The following SBF2 variants were observed in gnomAD, a reference collection of about 807,000 sequenced individuals.
SBF2 encodes myotubularin-related protein 13.
SBF2 carries 112 observed loss-of-function variants against 225.2 expected under a neutral mutation model. That is an observed-to-expected ratio of 0.50 (90% confidence interval 0.43 to 0.58). SBF2 has a LOEUF of 0.58. SBF2 is among the 20% of genes least tolerant of loss of function. The probability of loss-of-function intolerance (pLI) is 0.00; values close to 1 mark genes in which losing one functional copy is unlikely to be tolerated. For synonymous variants in SBF2, 763 were observed against 773.3 expected, an observed-to-expected ratio of 0.99 and a Z score of 0.22; for missense variants, 1,996 against 2,206.2, an observed-to-expected ratio of 0.90 and a Z score of 1.91.
chr11:9,818,261 T>C (rs1394599824), intron 28 of SBF2, among the ~76,000 whole-genome samples: 2 of 152,172 alleles, frequency 1.3e-5, no homozygotes, highest in South Asian at 2.1e-4. Context: ...AGATACCTTC[T>C]AAGAGAAAGG....
chr11:9,786,982 G>C (rs541312082), intron 36 of SBF2, among the ~76,000 whole-genome samples: 2 of 152,224 alleles, frequency 1.3e-5, no homozygotes, highest in East Asian at 3.9e-4. Context: ...TGCAACCTCC[G>C]CCTCCTGAGT....
In SBF2 at chr11:9,974,960, C is replaced by CAAAAAAAAAAAAAAAAAA. The variant is rs1166081188; in HGVS notation, c.1396-6433_1396-6416dup. Among the ~76,000 whole-genome samples the CAAAAAAAAAAAAAAAAAA allele has an allele frequency of 6.5e-3, 152 of 23,254 alleles. 39 individuals are homozygous for CAAAAAAAAAAAAAAAAAA. The highest frequency in any genetic ancestry group is 0.01 in the Non-Finnish European group (114 of 11,156). 15.3% of individuals were successfully genotyped at this position (23,254 alleles called of 152,430 possible). A position where few individuals can be genotyped will look rare whatever the true frequency, so the allele number is the denominator to read the frequency against. On this transcript the variant is annotated intron_variant, in intron 13 of 39. Coordinates refer to ENST00000256190, the MANE Select transcript of SBF2 (RefSeq NM_030962.4). The stretch of plus-strand genomic sequence containing the variant: ...GGGCAACAACAGCGAAACTTTGACT[C>CAAAAAAAAAAAAAAAAAA]AAAAAAAAAAAAAAAAAAAAAAAAA...
intron 16 of SBF2, among the ~76,000 whole-genome samples, chr11:9,919,401 T>C (rs1863408970): frequency 6.6e-6 from 1 of 152,092 alleles, no homozygotes; most frequent in South Asian, 2.1e-4. Context: ...AAGGGGTTTA[T>C]TCGGCTGGGG....
chr11:9,926,429 A>C (rs978025561), intron 16 of SBF2, among the ~76,000 whole-genome samples: 1 of 152,106 alleles, frequency 6.6e-6, no homozygotes, highest in East Asian at 1.9e-4. Context: ...TCATAATGCT[A>C]TACCAATCAA....
At chr11:9,826,620 A>G (rs2133926928) in intron 28 of SBF2, among the ~76,000 whole-genome samples, 1 of 152,124 alleles carries the variant, frequency 6.6e-6, no homozygotes, top group South Asian at 2.1e-4. Context: ...AGAGTTGCTC[A>G]CAAATGTAAG....
At chr11:9,806,223 G>A (rs891929350) in intron 32 of SBF2, among the ~76,000 whole-genome samples, 5 of 152,234 alleles carry the variant, frequency 3.3e-5, no homozygotes, top group Admixed American at 3.3e-4. Flanking sequence ...GTGGGAGCGT[G>A]AGGGTCAGCA....
At chr11:10,142,807 T>C (rs1479518576) in intron 2 of SBF2, among the ~76,000 whole-genome samples, 3 of 152,222 alleles carry the variant, frequency 2.0e-5, no homozygotes, top group Non-Finnish European at 2.9e-5. Flanking sequence ...TTTTAACCAA[T>C]ACAACTATTT....
chr11:10,295,732 T>C, upstream of SBF2, among the ~76,000 whole-genome samples: 1 of 152,168 alleles, frequency 6.6e-6, no homozygotes. Flanking sequence ...AACAGCCCTA[T>C]TGTTAGAAAG....
chr11:10,164,571 A>G (rs1287951915), intron 2 of SBF2, among the ~76,000 whole-genome samples: 1 of 152,192 alleles, frequency 6.6e-6, no homozygotes, highest in Non-Finnish European at 1.5e-5. Context: ...GGGCGCTCTT[A>G]GTTCAGTTAC....
intron 2 of SBF2, among the ~76,000 whole-genome samples, chr11:10,122,421 G>T (rs1272705990): frequency 6.6e-6 from 1 of 152,132 alleles, no homozygotes; most frequent in Non-Finnish European, 1.5e-5. Flanking sequence ...ATATATTTAT[G>T]TATTTTAGAG....
chr11:10,274,887 C>G (rs995937688), intron 1 of SBF2, among the ~76,000 whole-genome samples: 4 of 151,858 alleles, frequency 2.6e-5, no homozygotes, highest in Non-Finnish European at 5.9e-5. Context: ...AAATTTTTAA[C>G]AAGTATGTAT....
intron 13 of SBF2, among the ~76,000 whole-genome samples, chr11:9,974,529 C>A (rs1452318291): frequency 2.0e-5 from 3 of 151,454 alleles, no homozygotes; most frequent in Admixed American, 6.6e-5. Flanking sequence ...AGTACGAAGG[C>A]AACATACAGT....
chr11:9,822,794 G>T (rs11827970), intron 28 of SBF2, among the ~76,000 whole-genome samples: 2,624 of 152,234 alleles, frequency 0.017, 54 homozygotes, highest in African/African-American at 0.048. Context: ...GGGCCTTATT[G>T]ATCACTGTGA....
chr11:10,060,712 CA>C (rs1950409192), intron 2 of SBF2, among the ~76,000 whole-genome samples: 1 of 152,110 alleles, frequency 6.6e-6, no homozygotes, highest in Non-Finnish European at 1.5e-5. Context: ...CCCTGGGATG[CA>C]AAGTTGGTTC....
chr11:10,190,617 A>T (rs773071058), intron 2 of SBF2, among the ~76,000 whole-genome samples: 3 of 152,210 alleles, frequency 2.0e-5, no homozygotes, highest in Non-Finnish European at 2.9e-5. Flanking sequence ...CACCAGTTGT[A>T]AGGCTGAACA....
In SBF2 at chr11:10,294,074, G is replaced by A. The variant is rs1295315226; in HGVS notation, c.-5C>T. The A allele has an allele frequency of 1.5e-6, 2 of 1,367,150 alleles. No homozygotes were observed. The highest frequency in any genetic ancestry group is 1.8e-5 in the South Asian group (1 of 54,450). The allele number at this position is 1,367,150 out of a possible 1,614,324, so 84.7% of individuals were successfully genotyped here. ...GTAGTCAGCCAGCCGGGCCATGGCC[G>A]CCGCCGCCGCGCTCGGGAAGCGGGT... On this transcript the variant is annotated 5_prime_UTR_variant, in exon 1 of 40. Coordinates refer to ENST00000256190, the MANE Select transcript of SBF2 (RefSeq NM_030962.4).
intron 1 of SBF2, among the ~76,000 whole-genome samples, chr11:10,263,738 T>A (rs186314605): frequency 1.3e-5 from 2 of 152,224 alleles, no homozygotes; most frequent in Admixed American, 1.3e-4. Flanking sequence ...ATATACCATA[T>A]CAAATGAAAA....
At chr11:9,800,555 T>C (rs1006708693) in intron 32 of SBF2, among the ~76,000 whole-genome samples, 10 of 151,882 alleles carry the variant, frequency 6.6e-5, no homozygotes, top group African/African-American at 9.7e-5. Flanking sequence ...TACAGGCGCC[T>C]GCCACCACGC....
chr11:9,882,604 C>G (rs7480587), intron 17 of SBF2, among the ~76,000 whole-genome samples: 43,097 of 151,796 alleles, frequency 0.28, 8,232 homozygotes, highest in Non-Finnish European at 0.41. Flanking sequence ...GTCAGGAGAT[C>G]GAGACCATCC....
Sources: gnomAD v4.1 joint callset for allele counts (sites outside exome capture counted in the v4.1 genomes callset) on GRCh38, gnomAD v4.1.1 for gene constraint, MANE v1.5 for transcripts, NCBI Gene and HGNC (gene_info 2026-07-23, HGNC 2026-07-21) for gene names.